The following MSRB2 variants were observed in gnomAD, a reference collection of about 807,000 sequenced individuals.
MSRB2 encodes the protein methionine-R-sulfoxide reductase B2, mitochondrial.
In MSRB2, 17 loss-of-function variants were observed where a neutral mutation model predicts 19.0. The observed-to-expected ratio is 0.89, with a 90% CI of 0.61 to 1.34. The LOEUF is 1.34. Among genes scored for constraint, MSRB2 ranks in the 40% most tolerant of loss-of-function variants. The pLI, the probability that MSRB2 is intolerant of heterozygous loss-of-function variation, is 0.00. For missense variants in MSRB2, 208 were observed against 237.6 expected (o/e 0.88, Z 0.82); for synonymous variants, 107 against 99.7 (o/e 1.07, Z -0.44).
intron 2 of MSRB2, among the ~76,000 whole-genome samples, chr10:23,105,614 G>A (rs1839980252): frequency 6.6e-6 from 1 of 152,200 alleles, no homozygotes; most frequent in Non-Finnish European, 1.5e-5. Flanking sequence ...TATAGCTACT[G>A]GAATGTAGCT....
chr10:23,107,291 T>C (rs1038893855), intron 2 of MSRB2, among the ~76,000 whole-genome samples: 48 of 152,328 alleles, frequency 3.2e-4, no homozygotes, highest in African/African-American at 1.2e-3. Flanking sequence ...TTTAAGCTGT[T>C]TGTCGTGATC....
At chr10:23,100,417 G>A (rs1839914995) in intron 1 of MSRB2, among the ~76,000 whole-genome samples, 1 of 152,182 alleles carries the variant, frequency 6.6e-6, no homozygotes, top group East Asian at 1.9e-4. Flanking sequence ...ACAGGAAGAG[G>A]CTTGTATTAG....
chr10:23,119,357 A>G lies in MSRB2; in HGVS notation c.350A>G (p.His117Arg), dbSNP rs1840154997. ...GGGTGGCCTTCGTTTTCCGAGGCTC[A>G]TGGTACGTCTGGCTCTGATGAAAGC... ...GTGWPSFSEA[H>R]GTSGSDESHT... The change falls in exon 4 of 5, where the codon CAT (histidine) becomes CGT (arginine). Residue 117 changes from histidine to arginine, a missense_variant. Physicochemically the swap from His to Arg is conservative, Grantham distance 29 (BLOSUM62 0). Transcript: ENST00000376510. The G allele has an allele frequency of 3.7e-6, 6 of 1,614,034 alleles. No individual in the cohort carries two copies. The highest frequency in any genetic ancestry group is 5.1e-6 in the Non-Finnish European group (6 of 1,180,030).
At chr10:23,095,997 C>T (rs1385267699) in intron 1 of MSRB2, among the ~76,000 whole-genome samples, 2 of 151,082 alleles carry the variant, frequency 1.3e-5, no homozygotes, top group East Asian at 2.0e-4. Context: ...TTTCTTGGCT[C>T]GGGGAGTGGG....
At chr10:23,105,791 G>A (rs960016320) in intron 2 of MSRB2, among the ~76,000 whole-genome samples, 2 of 152,128 alleles carry the variant, frequency 1.3e-5, no homozygotes, top group Non-Finnish European at 2.9e-5. Flanking sequence ...TGTAATCATG[G>A]TCTCACCCTC....
At chr10:23,098,547 G>A (rs1401750573) in intron 1 of MSRB2, among the ~76,000 whole-genome samples, 1 of 152,230 alleles carries the variant, frequency 6.6e-6, no homozygotes, top group Non-Finnish European at 1.5e-5. Flanking sequence ...GCAAGAGAAT[G>A]TAGAGGGAAT....
intron 2 of MSRB2, among the ~76,000 whole-genome samples, chr10:23,105,071 C>T (rs535419030): frequency 1.8e-4 from 28 of 152,226 alleles, no homozygotes; most frequent in Middle Eastern, 3.4e-3. Flanking sequence ...GAATGACTGC[C>T]GGGTAAGAGG....
At chr10:23,096,677 A>G (rs1839873450) in intron 1 of MSRB2, among the ~76,000 whole-genome samples, 1 of 152,210 alleles carries the variant, frequency 6.6e-6, no homozygotes, top group Non-Finnish European at 1.5e-5. Context: ...AGAATACGTA[A>G]CTAAATAAAA....
chr10:23,106,921 AAG>A (rs748768224), intron 2 of MSRB2, among the ~76,000 whole-genome samples: 11 of 152,200 alleles, frequency 7.2e-5, no homozygotes, highest in Non-Finnish European at 1.6e-4. Context: ...TTGTATTGAC[AAG>A]ATGGAATGGT....
At chr10:23,115,205 CTCTT>C (rs752072539) in intron 3 of MSRB2, among the ~76,000 whole-genome samples, 2 of 152,204 alleles carry the variant, frequency 1.3e-5, no homozygotes, top group Non-Finnish European at 2.9e-5. Context: ...ACTCCAGACT[CTCTT>C]TCCTTAACTC....
At chr10:23,114,076 G>A (rs186113426) in intron 3 of MSRB2, among the ~76,000 whole-genome samples, 55 of 152,290 alleles carry the variant, frequency 3.6e-4, no homozygotes, top group Non-Finnish European at 4.9e-4. Flanking sequence ...CGGGCTGAAC[G>A]TGGTGACTCA....
chr10:23,119,494 C>A, intron 4 of MSRB2, 43 bp downstream of exon 4: 2 of 1,596,358 alleles, frequency 1.3e-6, no homozygotes, highest in South Asian at 2.2e-5. Flanking sequence ...ATGCTGCCCC[C>A]AATGCCACAA....
In MSRB2 at chr10:23,106,357, G is replaced by A. The variant is rs149902624; in HGVS notation, c.219+2113G>A. ...TCCCGCATGTTTTTTCTTGGGCAACGGTAATGTGCTAGCACTCTGCTAGAC... is the reference window on the plus strand; with the variant it reads ...TCCCGCATGTTTTTTCTTGGGCAACAGTAATGTGCTAGCACTCTGCTAGAC... On this transcript the variant is annotated intron_variant, in intron 2 of 4. Transcript: ENST00000376510. 2.7e-3 allele frequency among the ~76,000 whole-genome samples: 412 copies of A among 152,270 alleles called. 5 individuals carry two copies. Among genetic ancestry groups the A allele is most frequent in the Admixed American group, 4.8e-3 (74 of 15,300 alleles).
intron 2 of MSRB2, among the ~76,000 whole-genome samples, chr10:23,104,701 C>G (rs974205266): frequency 1.3e-5 from 2 of 152,156 alleles, no homozygotes; most frequent in African/African-American, 2.4e-5. Flanking sequence ...CCTAACGGCC[C>G]CTGGCTCCCA....
chr10:23,111,571 G>A (rs898088169), intron 3 of MSRB2, among the ~76,000 whole-genome samples: 1 of 152,162 alleles, frequency 6.6e-6, no homozygotes, highest in Non-Finnish European at 1.5e-5. Flanking sequence ...CTGAAAAAGG[G>A]GGGGACTTCT....
chr10:23,102,269 T>G (rs1429051027), intron 1 of MSRB2, among the ~76,000 whole-genome samples: 2 of 152,240 alleles, frequency 1.3e-5, no homozygotes, highest in Admixed American at 1.3e-4. Context: ...GCATGTTTCC[T>G]AAGACCAAAG....
chr10:23,108,017 A>G (rs367558786), intron 2 of MSRB2, among the ~76,000 whole-genome samples: 6 of 151,182 alleles, frequency 4.0e-5, no homozygotes, highest in African/African-American at 1.5e-4. Flanking sequence ...CTAGAGTGCA[A>G]TGGTGCAATC....
chr10:23,111,408 C>T (rs923753189), intron 3 of MSRB2, among the ~76,000 whole-genome samples: 3 of 152,178 alleles, frequency 2.0e-5, no homozygotes, highest in Non-Finnish European at 4.4e-5. Flanking sequence ...ATGCTGCCAG[C>T]GTGTCAAGGG....
chr10:23,114,205 T>C (rs10828410), intron 3 of MSRB2, among the ~76,000 whole-genome samples: 140,465 of 152,146 alleles, frequency 0.92, 65,497 homozygotes, highest in Non-Finnish European at 0.96. Context: ...CAAAAACTAG[T>C]TGGGCGTGGT....
Sources: gnomAD v4.1 joint callset for allele counts (sites outside exome capture counted in the v4.1 genomes callset) on GRCh38, gnomAD v4.1.1 for gene constraint, MANE v1.5 for transcripts, NCBI Gene and HGNC (gene_info 2026-07-23, HGNC 2026-07-21) for gene names.